The following ENAH variants were observed in gnomAD, a reference collection of about 807,000 sequenced individuals.
The protein encoded by ENAH is ENAH actin regulator.
A neutral mutation model predicts 78.7 loss-of-function variants in ENAH; 23 were observed. That is an observed-to-expected ratio of 0.29 (90% confidence interval 0.21 to 0.41). The LOEUF (loss-of-function observed/expected upper bound fraction) is 0.41. ENAH is among the 10% of genes least tolerant of loss of function. ENAH has a pLI of 1.00. For synonymous variants in ENAH, 226 were observed against 241.0 expected, an observed-to-expected ratio of 0.94 and a Z score of 0.58; for missense variants, 544 against 691.0, an observed-to-expected ratio of 0.79 and a Z score of 2.39.
intron 11 of ENAH, among the ~76,000 whole-genome samples, chr1:225,504,706 A>G (rs779880662): frequency 2.6e-5 from 4 of 152,220 alleles, no homozygotes; most frequent in Non-Finnish European, 4.4e-5. Context: ...ACCTTGTCTT[A>G]TAATCATAAG....
chr1:225,503,658 CAAAAA>C lies in ENAH; in HGVS notation c.1539-2593_1539-2589del, dbSNP rs10683254. On this transcript the variant is annotated intron_variant, in intron 11 of 13. Coordinates refer to ENST00000366843, the MANE Select transcript of ENAH (RefSeq NM_018212.6). ...ATCTTTTGGCCAAAACAAACCACCT[CAAAAA>C]AAAAAAAAAAAAAAACACAAAACTA... Among the ~76,000 whole-genome samples, 7 of 82,948 alleles carry C rather than the reference CAAAAA, an allele frequency of 8.4e-5. No homozygotes were observed. In the Middle Eastern group the frequency reaches 0.024, roughly 282 times the overall value. 54.4% of individuals were successfully genotyped at this position (82,948 alleles called of 152,430 possible).
At chr1:225,590,265 A>G (rs943138658) in intron 1 of ENAH, among the ~76,000 whole-genome samples, 4 of 152,076 alleles carry the variant, frequency 2.6e-5, no homozygotes, top group Non-Finnish European at 5.9e-5. Flanking sequence ...ACTTGAGGCC[A>G]GGAGTTCGAC....
intron 1 of ENAH, among the ~76,000 whole-genome samples, chr1:225,614,380 A>G (rs2097011950): frequency 6.6e-6 from 1 of 152,158 alleles, no homozygotes; most frequent in African/African-American, 2.4e-5. Context: ...TTTAAAGGAT[A>G]CAAATGAATA....
At chr1:225,526,356 T>C (rs1360021986) in intron 4 of ENAH, among the ~76,000 whole-genome samples, 3 of 151,902 alleles carry the variant, frequency 2.0e-5, no homozygotes, top group Non-Finnish European at 1.5e-5. Flanking sequence ...TTTTTTTCTT[T>C]TGAGACAGAA....
At chr1:225,593,758 G>A (rs1049156287) in intron 1 of ENAH, among the ~76,000 whole-genome samples, 1 of 152,194 alleles carries the variant, frequency 6.6e-6, no homozygotes, top group African/African-American at 2.4e-5. Flanking sequence ...CGAACCGCAT[G>A]ACATTCAAAA....
intron 1 of ENAH, among the ~76,000 whole-genome samples, chr1:225,578,266 A>G (rs746699619): frequency 2.0e-5 from 3 of 152,182 alleles, no homozygotes; most frequent in Non-Finnish European, 2.9e-5. Context: ...GGAGTTAGAG[A>G]TCAGCCTGGA....
chr1:225,620,920 G>A (rs1656738352), intron 1 of ENAH, among the ~76,000 whole-genome samples: 2 of 151,504 alleles, frequency 1.3e-5, no homozygotes, highest in African/African-American at 2.4e-5. Flanking sequence ...CAAGAGAATC[G>A]TTTGAACCTG....
Position 225,519,272 on chromosome 1 carries a change from T to C in ENAH, c.728A>G (p.Gln243Arg), listed in dbSNP as rs755317223. The C allele has an allele frequency of 1.9e-6, 3 of 1,614,056 alleles. No homozygotes were observed. The highest frequency in any genetic ancestry group is 2.7e-5 in the African/African-American group (2 of 74,946). Residue 243 changes from glutamine to arginine, a missense_variant, in exon 5 of 14, where the codon CAA (glutamine) becomes CGA (arginine). Around this residue, in one of 4 missense-constraint regions of ENAH, gnomAD observed 366 missense variants for 396.1 expected, o/e 0.92. Coordinates refer to ENST00000366843, the MANE Select transcript of ENAH (RefSeq NM_018212.6). ...ERLERLERER[Q>R]ERERQEQLER... ...TAACTGCTCTTGTCGCTCCCTTTCT[T>C]GCCTCTCCCGTTCCAGTCTCTCCAG...
chr1:225,600,136 T>C (rs1423542235), intron 1 of ENAH, among the ~76,000 whole-genome samples: 2 of 152,204 alleles, frequency 1.3e-5, no homozygotes, highest in African/African-American at 4.8e-5. Context: ...ATTAAACCTC[T>C]TCTCTTTATA....
At chr1:225,653,325 C>T (rs1371803052), upstream of ENAH, among the ~76,000 whole-genome samples, 1 of 150,982 alleles carries the variant, frequency 6.6e-6, no homozygotes, top group African/African-American at 2.4e-5. This position sits in a 1 kb window ranked among gnomAD's most constrained non-coding sequence, Gnocchi z 4.3. Flanking sequence ...TGGGAGAGAG[C>T]GAGCGCGACG....
chr1:225,652,754 G>A lies in ENAH; in HGVS notation c.-64C>T, dbSNP rs1298414260. The A allele has an allele frequency of 3.1e-6, 4 of 1,288,710 alleles. No individual in the cohort carries two copies. The highest frequency in any genetic ancestry group is 4.8e-5 in the South Asian group (2 of 41,754). The allele number at this position is 1,288,710 out of a possible 1,614,324, so 79.8% of individuals were successfully genotyped here. A position where few individuals can be genotyped will look rare whatever the true frequency, so the allele number is the denominator to read the frequency against. ...ACGCAGAAGGCGCCGAGCCGAGGGGGGGGTCTCTCCTCCAGGGGTGGGGAG... is the reference window on the plus strand; with the variant it reads ...ACGCAGAAGGCGCCGAGCCGAGGGGAGGGTCTCTCCTCCAGGGGTGGGGAG... On this transcript the variant is annotated 5_prime_UTR_variant, in exon 1 of 14. Transcript: ENST00000366843.
intron 1 of ENAH, among the ~76,000 whole-genome samples, chr1:225,648,843 C>G (rs905194386): frequency 6.6e-6 from 1 of 150,698 alleles, no homozygotes; most frequent in Non-Finnish European, 1.5e-5. Context: ...TTGTACCACA[C>G]TCTGAAATGT....
At chr1:225,590,497 T>C (rs1575632979) in intron 1 of ENAH, among the ~76,000 whole-genome samples, 1 of 152,042 alleles carries the variant, frequency 6.6e-6, no homozygotes, top group Non-Finnish European at 1.5e-5. Context: ...TTACAGTCCA[T>C]ACTTCTCTCC....
chr1:225,515,204 A>T (rs2096408365), intron 6 of ENAH: 2 of 325,588 alleles, frequency 6.1e-6, no homozygotes, highest in South Asian at 8.8e-5. Flanking sequence ...AAATACTTAT[A>T]AAATTTGGAA....
chr1:225,594,101 T>C (rs1055257571), intron 1 of ENAH, among the ~76,000 whole-genome samples: 2 of 152,178 alleles, frequency 1.3e-5, no homozygotes, highest in Admixed American at 6.5e-5. Flanking sequence ...AATTCAGAGA[T>C]GATCTTGTTA....
At chr1:225,594,577 G>T (rs971999491) in intron 1 of ENAH, among the ~76,000 whole-genome samples, 1 of 152,106 alleles carries the variant, frequency 6.6e-6, no homozygotes, top group African/African-American at 2.4e-5. Flanking sequence ...CTATTACGAT[G>T]ATTTGTTGAT....
intron 3 of ENAH, among the ~76,000 whole-genome samples, chr1:225,545,305 T>A (rs2096608001): frequency 6.6e-6 from 1 of 152,188 alleles, no homozygotes; most frequent in Admixed American, 6.5e-5. Flanking sequence ...AGAAATCCCA[T>A]TCTTAGTGAA....
chr1:225,519,973 A>ACTGGC (rs2096454597), intron 4 of ENAH, among the ~76,000 whole-genome samples: 1 of 152,170 alleles, frequency 6.6e-6, no homozygotes, highest in Non-Finnish European at 1.5e-5. Flanking sequence ...AAATACAATG[A>ACTGGC]CTGGCCACAG....
intron 4 of ENAH, among the ~76,000 whole-genome samples, chr1:225,528,884 A>G (rs2096524545): frequency 6.6e-6 from 1 of 151,892 alleles, no homozygotes; most frequent in Admixed American, 6.6e-5. Context: ...CCTTCCCACT[A>G]GCTTAGCCTA....
Sources: allele counts gnomAD v4.1 joint callset (sites outside exome capture counted in the v4.1 genomes callset), GRCh38; gene constraint gnomAD v4.1.1; regional missense constraint gnomAD v4.1.1; non-coding constraint Gnocchi (gnomAD v3.1); transcripts MANE v1.5; gene names NCBI Gene and HGNC (gene_info 2026-07-23, HGNC 2026-07-21).